The following FGF13 variants were observed in gnomAD, a reference collection of about 807,000 sequenced individuals.
FGF13 encodes fibroblast growth factor homologous factor 2.
Under a neutral mutation model 19.5 loss-of-function variants are expected in FGF13, and 2 were observed. That is an observed-to-expected ratio of 0.10 (90% CI 0.04 to 0.32). The LOEUF (loss-of-function observed/expected upper bound fraction) is 0.32, where lower values mean the gene tolerates loss of function less well. FGF13 is among the 10% of genes least tolerant of loss of function. The pLI, the probability that FGF13 is intolerant of heterozygous loss-of-function variation, is 1.00. For missense variants in FGF13, 113 were observed against 192.7 expected, an observed-to-expected ratio of 0.59 and a Z score of 2.45; for synonymous variants, 72 against 76.9, an observed-to-expected ratio of 0.94 and a Z score of 0.33.
chrX:139,093,230 T>C (rs1033998532), intron 1 of FGF13, among the ~76,000 whole-genome samples: 2 of 112,039 alleles, frequency 1.8e-5, no homozygotes, highest in Admixed American at 9.5e-5. Context: ...GTGGAGGGTA[T>C]GGTTCTAGGA....
At chrX:138,905,778 T>C (rs368373920) in intron 1 of FGF13, among the ~76,000 whole-genome samples, 202 of 112,181 alleles carry the variant, frequency 1.8e-3, no homozygotes, top group Middle Eastern at 4.6e-3. Flanking sequence ...AAAGTCCACA[T>C]TAGAGCATGT....
chrX:139,145,994 T>G (rs1269589729), intron 1 of FGF13, among the ~76,000 whole-genome samples: 4 of 111,811 alleles, frequency 3.6e-5, no homozygotes, highest in African/African-American at 1.3e-4. Flanking sequence ...ACTTAAATGT[T>G]AGACCTAAAA....
chrX:138,876,581 A>T (rs2091390316), intron 1 of FGF13, among the ~76,000 whole-genome samples: 1 of 112,078 alleles, frequency 8.9e-6, no homozygotes, highest in Non-Finnish European at 1.9e-5. Flanking sequence ...ATAAATGGGG[A>T]TGTTGGTCCT....
At chrX:138,891,624 T>A (rs1180460879) in intron 1 of FGF13, among the ~76,000 whole-genome samples, 1 of 111,589 alleles carries the variant, frequency 9.0e-6, no homozygotes. Context: ...TAATTCTGCG[T>A]GTCAACTTGA....
intron 3 of FGF13, among the ~76,000 whole-genome samples, chrX:138,783,447 T>A (rs1436482211): frequency 3.9e-5 from 4 of 101,584 alleles, no homozygotes; most frequent in Admixed American, 2.2e-4. Context: ...GAATCTACAA[T>A]GAACTCAAAC....
In FGF13 at chrX:138,785,862, A is replaced by G. The variant is rs191579256; in HGVS notation, c.217+71650T>C. ...ATAGGGACCTCAAACCTAGGATTCC[A>G]GATGCAAACTCATGATTCTTACCCA... On this transcript the variant is annotated intron_variant, in intron 3 of 6. Transcript: ENST00000436198. Among the ~76,000 whole-genome samples the G allele has an allele frequency of 3.6e-3, 408 of 111,832 alleles. 3 individuals carry two copies. The highest frequency in any genetic ancestry group is 0.012 in the African/African-American group (374 of 30,799).
chrX:138,918,375 A>G (rs2091628919), intron 1 of FGF13, among the ~76,000 whole-genome samples: 3 of 110,868 alleles, frequency 2.7e-5, no homozygotes, highest in Non-Finnish European at 5.7e-5. Flanking sequence ...TGTGGCCCCC[A>G]GACCCTTATT....
In FGF13 at chrX:138,817,353, T is replaced by C. The variant is rs1039179160; in HGVS notation, c.217+40159A>G. On this transcript the variant is annotated intron_variant, in intron 3 of 6. Transcript: ENST00000436198. Reference sequence around the variant, plus strand: ...CTGAAGAGTTTCCTATAGATTGATGTCCTCAGCATGAACCAGATAAAGACC... The same window carrying C: ...CTGAAGAGTTTCCTATAGATTGATGCCCTCAGCATGAACCAGATAAAGACC... 3.6e-5 allele frequency among the ~76,000 whole-genome samples: 4 copies of C among 111,703 alleles called. No individual in the cohort carries two copies. The East Asian group carries it at 8.5e-4, about 24-fold the overall frequency.
chrX:138,908,722 G>C (rs2124222017), intron 1 of FGF13, among the ~76,000 whole-genome samples: 1 of 112,010 alleles, frequency 8.9e-6, no homozygotes, highest in South Asian at 3.8e-4. Flanking sequence ...CCTTTCAGCA[G>C]GGTTCTGACT....
At chrX:138,638,533 CA>C (rs1276202683) in intron 3 of FGF13, among the ~76,000 whole-genome samples, 1 of 111,809 alleles carries the variant, frequency 8.9e-6, no homozygotes, top group African/African-American at 3.3e-5. Flanking sequence ...GTGACTCATA[CA>C]ACTGTATGAT....
intron 3 of FGF13, among the ~76,000 whole-genome samples, chrX:138,836,382 CCTTTTCATTCTTTTTTTCT>C (rs2091112511): frequency 8.9e-6 from 1 of 111,906 alleles, no homozygotes; most frequent in African/African-American, 3.2e-5. Flanking sequence ...TTTGTTCATT[CCTTTTCATTCTTTTTTTCT>C]CTGTTCTTGT....
At chrX:139,127,742 T>C (rs2083727714) in intron 1 of FGF13, among the ~76,000 whole-genome samples, 1 of 111,377 alleles carries the variant, frequency 9.0e-6, no homozygotes, top group Non-Finnish European at 1.9e-5. Context: ...ACTTAGGAAA[T>C]TGTGCTTGAG....
At chrX:138,665,562 G>C (rs141756055) in intron 3 of FGF13, among the ~76,000 whole-genome samples, 2 of 111,413 alleles carry the variant, frequency 1.8e-5, no homozygotes, top group Middle Eastern at 9.3e-3. Context: ...AGCGTCTAGC[G>C]TACTTTAGTT....
chrX:138,843,717 A>G (rs1438550955), intron 3 of FGF13, among the ~76,000 whole-genome samples: 1 of 111,727 alleles, frequency 9.0e-6, no homozygotes, highest in African/African-American at 3.2e-5. Flanking sequence ...AATACATAGG[A>G]CAGACCTTCA....
At chrX:138,984,944 A>G (rs1270333158) in intron 1 of FGF13, 1 of 305,879 alleles carries the variant, frequency 3.3e-6, no homozygotes, top group African/African-American at 2.7e-5. Flanking sequence ...AAAATTACCT[A>G]CAGTACAAAT....
chrX:138,957,552 A>G (rs936843301), intron 1 of FGF13, among the ~76,000 whole-genome samples: 3 of 111,540 alleles, frequency 2.7e-5, no homozygotes, highest in Admixed American at 9.6e-5. Context: ...AATTCTGTGA[A>G]GAAAGTCATT....
chrX:138,836,472 C>G (rs1055141806), intron 3 of FGF13, among the ~76,000 whole-genome samples: 1 of 111,917 alleles, frequency 8.9e-6, no homozygotes, highest in African/African-American at 3.2e-5. Flanking sequence ...TCCACTTGGT[C>G]TATTTGGCAA....
intron 1 of FGF13, among the ~76,000 whole-genome samples, chrX:139,159,673 C>T: frequency 1.5e-5 from 1 of 66,103 alleles, no homozygotes; most frequent in Admixed American, 1.4e-4. Context: ...AAAAAAAAAA[C>T]AGTGTGGGTT....
At chrX:138,972,771 A>AT (rs753472149) in intron 1 of FGF13, among the ~76,000 whole-genome samples, 60 of 111,760 alleles carry the variant, frequency 5.4e-4, no homozygotes, top group African/African-American at 1.8e-3. Context: ...GATATCGAGC[A>AT]TTTTTTTAAA....
Sources: allele counts gnomAD v4.1 joint callset (sites outside exome capture counted in the v4.1 genomes callset), GRCh38; gene constraint gnomAD v4.1.1; transcripts MANE v1.5; gene names NCBI Gene and HGNC (gene_info 2026-07-23, HGNC 2026-07-21).